SEL1L3: variants seen among roughly 807,000 people sequenced by gnomAD.
SEL1L3 encodes the protein SEL1L family member 3.
SEL1L3 carries 76 observed loss-of-function variants against 142.8 expected under a neutral mutation model. The observed-to-expected ratio is 0.53, with a 90% CI of 0.44 to 0.64. The LOEUF is 0.64. SEL1L3 is among the 30% of genes least tolerant of loss of function. The probability of loss-of-function intolerance (pLI) is 0.00; values close to 1 mark genes in which losing one functional copy is unlikely to be tolerated. For synonymous variants in SEL1L3, 504 were observed against 519.6 expected, an observed-to-expected ratio of 0.97 and a Z score of 0.41; for missense variants, 1,262 against 1,381.7, an observed-to-expected ratio of 0.91 and a Z score of 1.37.
At chr4:25,841,696 GC>G (rs1263436932) in intron 2 of SEL1L3, among the ~76,000 whole-genome samples, 4 of 152,134 alleles carry the variant, frequency 2.6e-5, no homozygotes, top group African/African-American at 9.7e-5. Flanking sequence ...AGTTCACCCA[GC>G]ACTTTGTAAT....
At chr4:25,836,839 T>A (rs918747679) in intron 2 of SEL1L3, among the ~76,000 whole-genome samples, 1 of 152,158 alleles carries the variant, frequency 6.6e-6, no homozygotes, top group African/African-American at 2.4e-5. Flanking sequence ...ACATCCCAGC[T>A]CTCATTTCCC....
At chr4:25,719,308 G>A in the SEL1L3 span, 1 of 152,148 alleles carries the variant, frequency 6.6e-6, no homozygotes, top group East Asian at 1.9e-4. Context: ...AGAAGTATGA[G>A]CTTGCATTGA....
intron 12 of SEL1L3, among the ~76,000 whole-genome samples, chr4:25,789,612 T>TA (rs1712147855): frequency 6.7e-6 from 1 of 148,538 alleles, no homozygotes; most frequent in African/African-American, 2.5e-5. Flanking sequence ...AAAGCCCCTG[T>TA]ACTGTCTGCT....
chr4:25,794,370 T>A (rs896676381), intron 11 of SEL1L3, among the ~76,000 whole-genome samples: 1 of 152,120 alleles, frequency 6.6e-6, no homozygotes, highest in African/African-American at 2.4e-5. Flanking sequence ...GCAAAGGACA[T>A]GAACAGACAC....
chr4:25,723,301 G>A, the SEL1L3 span, among the ~76,000 whole-genome samples: 139 of 152,272 alleles, frequency 9.1e-4, no homozygotes, highest in African/African-American at 3.2e-3. Context: ...TTTCTAAGAT[G>A]GAGTTACTTA....
At chr4:25,719,358 G>C in the SEL1L3 span, 1 of 152,062 alleles carries the variant, frequency 6.6e-6, no homozygotes, top group Non-Finnish European at 1.5e-5. Flanking sequence ...ATGATACTTA[G>C]GGTAGGAACT....
At chr4:25,736,895 A>T in the SEL1L3 span, among the ~76,000 whole-genome samples, 1 of 152,020 alleles carries the variant, frequency 6.6e-6, no homozygotes, top group Non-Finnish European at 1.5e-5. Flanking sequence ...CCTTATCTTG[A>T]AGTCTATTTT....
rs1214314485 is a variant in SEL1L3 at position 25,788,153 on chromosome 4, C to T, written c.2217+71G>A. ...AGTTATCGACTCCCTGTTTGCCAGC[C>T]CGCCCACAGGAAACTGCTCAGGAGT... On this transcript the variant is annotated intron_variant, in intron 13 of 23. Coordinates refer to ENST00000399878, the MANE Select transcript of SEL1L3 (RefSeq NM_015187.5). The surrounding 1 kb of genome is among the most constrained non-coding windows in gnomAD (Gnocchi z 5.3). 3 of 1,513,004 alleles carry T rather than the reference C, an allele frequency of 2.0e-6. No individual in the cohort carries two copies. Among genetic ancestry groups the T allele is most frequent in the Admixed American group, 3.6e-5 (2 of 56,246 alleles). The allele number at this position is 1,513,004 out of a possible 1,614,324, so 93.7% of individuals were successfully genotyped here.
chr4:25,779,312 T>C, intron 15 of SEL1L3, 109 bp from the exon 16 acceptor site: 1 of 1,253,002 alleles, frequency 8.0e-7, no homozygotes, highest in Non-Finnish European at 1.1e-6. Context: ...TTATAACTTC[T>C]GATAGCTTTA....
At position 25,774,144 on chromosome 4, in the gene SEL1L3, G is replaced by A. The variant is rs1457469354; in HGVS notation, c.2669+2133C>T. On this transcript the variant is annotated intron_variant, in intron 17 of 23. Coordinates refer to ENST00000399878, the MANE Select transcript of SEL1L3 (RefSeq NM_015187.5). ...TAAAAAGCAATCATGATCCATGGAA[G>A]AACAAAAGGAAATAAGGAGTTAGGT... is the stretch of plus-strand genomic sequence containing the variant. Among the ~76,000 whole-genome samples, 38 of 152,164 alleles carry A rather than the reference G, an allele frequency of 2.5e-4. 1 individual carries two copies. The highest frequency in any genetic ancestry group is 2.3e-3 in the Admixed American group (35 of 15,276).
At chr4:25,715,553 C>T in the SEL1L3 span, among the ~76,000 whole-genome samples, 1 of 152,044 alleles carries the variant, frequency 6.6e-6, no homozygotes, top group Non-Finnish European at 1.5e-5. Context: ...ACTCTTTGGC[C>T]ATTTCCATAT....
At chr4:25,820,292 A>G (rs1325300836) in intron 7 of SEL1L3, among the ~76,000 whole-genome samples, 4 of 148,066 alleles carry the variant, frequency 2.7e-5, no homozygotes, top group African/African-American at 5.3e-5. Context: ...GGTACCCACG[A>G]CGTGCCTGCT....
the SEL1L3 span, among the ~76,000 whole-genome samples, chr4:25,716,727 A>G: frequency 6.6e-6 from 1 of 152,332 alleles, no homozygotes; most frequent in South Asian, 2.1e-4. Flanking sequence ...TTTAAAGAAT[A>G]TTACTTAAAT....
chr4:25,726,281 G>C, the SEL1L3 span, among the ~76,000 whole-genome samples: 20,712 of 151,466 alleles, frequency 0.14, 1,552 homozygotes, highest in Middle Eastern at 0.18. Flanking sequence ...TGTAATCCCA[G>C]CACTTTGTGA....
intron 9 of SEL1L3, among the ~76,000 whole-genome samples, chr4:25,817,507 C>G (rs1714459686): frequency 6.6e-6 from 1 of 152,192 alleles, no homozygotes; most frequent in Non-Finnish European, 1.5e-5. Flanking sequence ...AAGCTGGTGG[C>G]ATCTGGGAAG....
At chr4:25,831,891 A>G (rs908377647) in intron 5 of SEL1L3, among the ~76,000 whole-genome samples, 1 of 152,184 alleles carries the variant, frequency 6.6e-6, no homozygotes, top group African/African-American at 2.4e-5. Context: ...ATAGTCTACA[A>G]GCAACTCGAG....
chr4:25,772,253 A>G (rs2109148804), intron 17 of SEL1L3, among the ~76,000 whole-genome samples: 1 of 152,338 alleles, frequency 6.6e-6, no homozygotes, highest in African/African-American at 2.4e-5. Flanking sequence ...TCATTGTAAT[A>G]GATACAAAAC....
intron 11 of SEL1L3, among the ~76,000 whole-genome samples, chr4:25,791,389 A>C (rs1374979634): frequency 6.6e-6 from 1 of 152,254 alleles, no homozygotes; most frequent in African/African-American, 2.4e-5. Context: ...CCTCCCAGGT[A>C]TCTGACTCCT....
chr4:25,840,287 G>T (rs1716085079), intron 2 of SEL1L3, among the ~76,000 whole-genome samples: 1 of 151,606 alleles, frequency 6.6e-6, no homozygotes, highest in Non-Finnish European at 1.5e-5. Flanking sequence ...ATGATTAACT[G>T]GAAAAAAAGG....
Sources: gnomAD v4.1 joint callset for allele counts (sites outside exome capture counted in the v4.1 genomes callset) on GRCh38, gnomAD v4.1.1 for gene constraint, Gnocchi (gnomAD v3.1) non-coding constraint, MANE v1.5 for transcripts, NCBI Gene and HGNC (gene_info 2026-07-23, HGNC 2026-07-21) for gene names.